Variants in RABEP1 observed in about 807,000 individuals in gnomAD.
RABEP1 encodes rabaptin, RAB GTPase binding effector protein 1.
Under a neutral mutation model 123.4 loss-of-function variants are expected in RABEP1, and 51 were observed. That is an observed-to-expected ratio of 0.41 (90% CI 0.33 to 0.52). The LOEUF is 0.52. RABEP1 is among the 20% of genes least tolerant of loss of function. RABEP1 has a pLI of 0.16. For missense variants in RABEP1, 888 were observed against 996.3 expected (o/e 0.89, Z 1.46); for synonymous variants, 347 against 355.2 (o/e 0.98, Z 0.26).
intron 6 of RABEP1, among the ~76,000 whole-genome samples, chr17:5,348,179 G>A (rs1227297950): frequency 3.9e-5 from 6 of 152,132 alleles, no homozygotes; most frequent in Non-Finnish European, 8.8e-5. Context: ...GTGTTTCTCC[G>A]TGTTGGTCAG....
chr17:5,372,071 T>C (rs977851287), intron 12 of RABEP1, among the ~76,000 whole-genome samples: 1 of 152,122 alleles, frequency 6.6e-6, no homozygotes, highest in Non-Finnish European at 1.5e-5. Flanking sequence ...ATAACTTTTA[T>C]ATTGATACAA....
chr17:5,295,586 TGTCA>T (rs1191652756), intron 1 of RABEP1, among the ~76,000 whole-genome samples: 2 of 152,152 alleles, frequency 1.3e-5, no homozygotes, highest in Non-Finnish European at 2.9e-5. Flanking sequence ...ATCCCTGTTC[TGTCA>T]AAGTTTACAT....
rs1027437321 is a variant in RABEP1, at chr17:5,359,899, C to T, written c.1096-1309C>T. Among the ~76,000 whole-genome samples the T allele has an allele frequency of 2.0e-5, 3 of 152,182 alleles. No individual in the cohort carries two copies. The East Asian group carries it at 5.8e-4, about 29-fold the overall frequency. On this transcript the variant is annotated intron_variant, in intron 8 of 17. Coordinates refer to ENST00000537505, the MANE Select transcript of RABEP1 (RefSeq NM_004703.6). ...TTATTTCCCACTAACTATGCAACTG[C>T]TTCATGTAATGGCACTGGTTTGCTT...
intron 13 of RABEP1, among the ~76,000 whole-genome samples, chr17:5,374,561 C>T (rs755760559): frequency 9.9e-5 from 15 of 151,512 alleles, no homozygotes; most frequent in Non-Finnish European, 1.3e-4. Context: ...CTCAGCCTCC[C>T]GAGTAGCTGG....
At chr17:5,361,961 G>T in intron 9 of RABEP1, 1 of 325,262 alleles carries the variant, frequency 3.1e-6, no homozygotes, top group Non-Finnish European at 5.7e-6. Context: ...TAGCATTGCG[G>T]AATTTAAGTT....
rs1218491903 is a variant in RABEP1 at position 5,282,421 on chromosome 17, A to G, written c.-66A>G. The G allele has an allele frequency of 5.6e-6, 7 of 1,239,252 alleles. No individual in the cohort carries two copies. The Admixed American group carries it at 2.1e-4, about 37-fold the overall frequency. 76.8% of individuals were successfully genotyped at this position (1,239,252 alleles called of 1,614,324 possible). On this transcript the variant is annotated 5_prime_UTR_variant, in exon 1 of 18. An upstream open reading frame in the 5' UTR loses its in-frame stop. Coordinates refer to ENST00000537505, the MANE Select transcript of RABEP1 (RefSeq NM_004703.6). ...CGGTTGACGCCTCCTCCGCCAGCTGAGCCCGCGGGAGCCCAGGACGCCGCT... is the reference window on the plus strand; with the variant it reads ...CGGTTGACGCCTCCTCCGCCAGCTGGGCCCGCGGGAGCCCAGGACGCCGCT...
At chr17:5,306,375 C>T (rs867234819) in intron 1 of RABEP1, among the ~76,000 whole-genome samples, 1 of 152,160 alleles carries the variant, frequency 6.6e-6, no homozygotes, top group Non-Finnish European at 1.5e-5. Context: ...TGCCTGTGAT[C>T]GCAGCACTTT....
At chr17:5,283,453 C>T (rs2074948335) in intron 1 of RABEP1, among the ~76,000 whole-genome samples, 1 of 152,152 alleles carries the variant, frequency 6.6e-6, no homozygotes, top group Non-Finnish European at 1.5e-5. Context: ...AGATTGACTA[C>T]ATGGTTCCAG....
rs145790527 is a variant in RABEP1, at chr17:5,332,271, T to G, written c.367+119T>G. On this transcript the variant is annotated intron_variant, in intron 3 of 17. Transcript: ENST00000537505. Reference sequence around the variant, plus strand: ...GTTTCATTTGTGGTTTTATGTACTGTCATCATCAAGATATACTTTCAGATA... The same window carrying G: ...GTTTCATTTGTGGTTTTATGTACTGGCATCATCAAGATATACTTTCAGATA... The G allele has an allele frequency of 1.1e-3, 968 of 914,072 alleles. 1 individual carries two copies. The highest frequency in any genetic ancestry group is 1.5e-3 in the Non-Finnish European group (899 of 616,506). The allele number at this position is 914,072 out of a possible 1,614,324, so 56.6% of individuals were successfully genotyped here.
intron 8 of RABEP1, among the ~76,000 whole-genome samples, chr17:5,355,733 C>G (rs1908957825): frequency 6.6e-6 from 1 of 151,934 alleles, no homozygotes; most frequent in Non-Finnish European, 1.5e-5. Flanking sequence ...ATATATATGC[C>G]CATGCTTACA....
In RABEP1 at chr17:5,368,376, G is replaced by A; in HGVS notation, c.1792G>A (p.Ala598Thr). Residue 598 changes from alanine to threonine, a missense_variant, in exon 12 of 18, where the codon GCA becomes ACA. By Grantham distance (58) the Ala-to-Thr change is moderately conservative. Transcript: ENST00000537505. ...SSEDSSHQIS[A>T]LVLRAQASEI... ...TACATGTGTTTTTTTAAAGATCTCT[G>A]CACTCGTCCTAAGAGCCCAGGCCTC... The A allele has an allele frequency of 6.2e-7, 1 of 1,610,806 alleles. No homozygotes were observed.
chr17:5,312,662 G>A (rs1028298183), intron 2 of RABEP1, among the ~76,000 whole-genome samples: 2 of 152,100 alleles, frequency 1.3e-5, no homozygotes, highest in African/African-American at 4.8e-5. Flanking sequence ...TGATGTTCAT[G>A]TCTAGTCATG....
intron 8 of RABEP1, among the ~76,000 whole-genome samples, chr17:5,359,985 A>G (rs1381198503): frequency 1.3e-5 from 2 of 152,260 alleles, no homozygotes; most frequent in African/African-American, 4.8e-5. Context: ...TTCATGTAAC[A>G]TAAAATTTAA....
At chr17:5,291,019 T>C (rs1243742582) in intron 1 of RABEP1, among the ~76,000 whole-genome samples, 3 of 152,246 alleles carry the variant, frequency 2.0e-5, no homozygotes, top group Admixed American at 6.5e-5. Flanking sequence ...TCATTCTAGC[T>C]ATCCCTCAGG....
intron 1 of RABEP1, among the ~76,000 whole-genome samples, chr17:5,286,870 G>A (rs1328253806): frequency 1.3e-5 from 2 of 152,252 alleles, no homozygotes; most frequent in Admixed American, 1.3e-4. Flanking sequence ...AGAAAGGGAA[G>A]GGGGTGGGGC....
At chr17:5,295,783 A>G (rs574741846) in intron 1 of RABEP1, among the ~76,000 whole-genome samples, 58 of 152,310 alleles carry the variant, frequency 3.8e-4, no homozygotes, top group Non-Finnish European at 7.6e-4. Flanking sequence ...CAGCTGCTCA[A>G]GGATGTCAAA....
rs1212997822 is a variant in RABEP1 at position 5,383,799 on chromosome 17, A to AACTTAACTT, written c.*581_*582insACTTACTTA. The stretch of plus-strand genomic sequence containing the variant: ...TTTGGAGGACCTTAAATGCTACTGA[A>AACTTAACTT]ACTTACCTGAGAACCATAGGACTGT... On this transcript the variant is annotated 3_prime_UTR_variant, in exon 18 of 18. Coordinates refer to ENST00000537505, the MANE Select transcript of RABEP1 (RefSeq NM_004703.6). 2.7e-5 allele frequency: 6 copies of AACTTAACTT among 223,508 alleles called. No individual in the cohort carries two copies. The highest frequency in any genetic ancestry group is 4.5e-5 in the Non-Finnish European group (5 of 112,268). The allele number at this position is 223,508 out of a possible 1,614,324, so 13.8% of individuals were successfully genotyped here.
chr17:5,323,779 A>AATAT (rs751544478), intron 2 of RABEP1, among the ~76,000 whole-genome samples: 5 of 76,086 alleles, frequency 6.6e-5, no homozygotes, highest in African/African-American at 3.0e-4. Flanking sequence ...TATATCTAGG[A>AATAT]ATATATATAT....
At chr17:5,344,806 G>T (rs773294888) in intron 5 of RABEP1, among the ~76,000 whole-genome samples, 1 of 142,188 alleles carries the variant, frequency 7.0e-6, no homozygotes, top group African/African-American at 2.6e-5. Flanking sequence ...GGAAAAACAG[G>T]TAAAGTATAG....
Sources: gnomAD v4.1 joint callset for allele counts (sites outside exome capture counted in the v4.1 genomes callset) on GRCh38, gnomAD v4.1.1 for gene constraint, MANE v1.5 for transcripts, NCBI Gene and HGNC (gene_info 2026-07-23, HGNC 2026-07-21) for gene names.